The following DENND1B variants were observed in gnomAD, a reference collection of about 807,000 sequenced individuals.
DENND1B encodes DENN domain-containing protein 1B.
A neutral mutation model predicts 90.1 loss-of-function variants in DENND1B; 59 were observed. The observed-to-expected ratio is 0.65, with a 90% CI of 0.53 to 0.81. DENND1B has a LOEUF of 0.81. DENND1B is among the 40% of genes least tolerant of loss of function. The pLI is 0.00. For missense variants in DENND1B, 862 were observed against 912.6 expected (o/e 0.94, Z 0.71); for synonymous variants, 337 against 324.6 (o/e 1.04, Z -0.41).
chr1:197,544,958 A>G (rs1184626414), intron 18 of DENND1B, among the ~76,000 whole-genome samples: 64 of 582 alleles, frequency 0.11, no homozygotes, highest in East Asian at 0.14. Context: ...GAGAGAAGGG[A>G]GAAGGAGAAG....
At chr1:197,696,511 T>C (rs1368088495) in intron 3 of DENND1B, among the ~76,000 whole-genome samples, 1 of 151,488 alleles carries the variant, frequency 6.6e-6, no homozygotes, top group Non-Finnish European at 1.5e-5. Context: ...GGTACTATCA[T>C]GAACAGTCAA....
At chr1:197,593,747 T>C (rs2125804072) in intron 14 of DENND1B, among the ~76,000 whole-genome samples, 1 of 152,154 alleles carries the variant, frequency 6.6e-6, no homozygotes, top group East Asian at 1.9e-4. Context: ...CTCAAAAAAT[T>C]TTAAAATAAA....
chr1:197,667,195 C>A (rs1655029393), intron 5 of DENND1B, among the ~76,000 whole-genome samples: 2 of 150,630 alleles, frequency 1.3e-5, no homozygotes, highest in Admixed American at 1.3e-4. Context: ...AATTAAGTAA[C>A]CACTGTTGAA....
intron 10 of DENND1B, among the ~76,000 whole-genome samples, chr1:197,624,409 T>C (rs1678460464): frequency 6.6e-6 from 1 of 151,740 alleles, no homozygotes; most frequent in African/African-American, 2.4e-5. Context: ...ACACTTTTCA[T>C]GAAAATTTAC....
chr1:197,535,737 T>G (rs1214713962), intron 20 of DENND1B, among the ~76,000 whole-genome samples: 1 of 152,190 alleles, frequency 6.6e-6, no homozygotes, highest in East Asian at 1.9e-4. Context: ...GCCCTTCCTG[T>G]GTCCTTGGTA....
Position 197,775,394 on chromosome 1 carries a change from C to T in DENND1B, c.-239G>A, listed in dbSNP as rs996674884. On this transcript the variant is annotated 5_prime_UTR_variant, in exon 1 of 23. Transcript: ENST00000620048. ...AGCAGCGGTGGCGTGGCCGCCGCCC[C>T]CGTCTCCGCCGGTAGCCGCCACCAA... is the stretch of plus-strand genomic sequence containing the variant. 3 of 331,200 alleles carry T rather than the reference C, an allele frequency of 9.1e-6. No homozygotes were observed. The South Asian group carries it at 4.6e-4, about 51-fold the overall frequency. The allele number at this position is 331,200 out of a possible 1,614,324, so 20.5% of individuals were successfully genotyped here.
At chr1:197,636,914 G>A (rs1226600606) in intron 10 of DENND1B, among the ~76,000 whole-genome samples, 1 of 151,938 alleles carries the variant, frequency 6.6e-6, no homozygotes, top group African/African-American at 2.4e-5. Context: ...AGACTATGGG[G>A]AAAAGATGGC....
At chr1:197,722,861 A>G (rs1661310216) in intron 2 of DENND1B, among the ~76,000 whole-genome samples, 2 of 152,196 alleles carry the variant, frequency 1.3e-5, no homozygotes, top group Admixed American at 6.5e-5. Flanking sequence ...CCATTTGTTC[A>G]CCATTCTAAA....
intron 7 of DENND1B, among the ~76,000 whole-genome samples, chr1:197,651,974 A>G (rs1199623336): frequency 2.6e-5 from 4 of 152,082 alleles, no homozygotes; most frequent in Non-Finnish European, 5.9e-5. Context: ...TGTTTCTTAA[A>G]AATGAAATAT....
At chr1:197,654,609 CA>C (rs34779798) in intron 6 of DENND1B, among the ~76,000 whole-genome samples, 5,219 of 122,636 alleles carry the variant, frequency 0.043, 283 homozygotes, top group African/African-American at 0.13. Context: ...GACTCCGTCT[CA>C]AAAAAAAAAA....
chr1:197,559,726 TAA>T (rs1491528428), intron 15 of DENND1B, among the ~76,000 whole-genome samples: 54 of 52,268 alleles, frequency 1.0e-3, no homozygotes, highest in African/African-American at 3.5e-3. Flanking sequence ...AAAAATTTAA[TAA>T]GTCTAATTTA....
At position 197,529,217 on chromosome 1, in the gene DENND1B, T is replaced by G. The variant is rs1210891897; in HGVS notation, c.1515+10747A>C. ...TAGTTAAGAGTGATATATATATATA[T>G]ATATATATATATATATATATATATA... On this transcript the variant is annotated intron_variant, in intron 20 of 22. Coordinates refer to ENST00000620048, the MANE Select transcript of DENND1B (RefSeq NM_001195215.2). Among the ~76,000 whole-genome samples the G allele has an allele frequency of 6.0e-4, 6 of 10,028 alleles. No homozygotes were observed. In the East Asian group the frequency reaches 0.017, roughly 29 times the overall value. The allele number at this position is 10,028 out of a possible 152,430, so 6.6% of individuals were successfully genotyped here.
At chr1:197,626,186 C>T (rs2125883749) in intron 10 of DENND1B, among the ~76,000 whole-genome samples, 1 of 152,228 alleles carries the variant, frequency 6.6e-6, no homozygotes, top group Admixed American at 6.5e-5. Context: ...TAGACATCTA[C>T]AGAACTCTCC....
rs1300834164 is a variant in DENND1B at position 197,512,938 on chromosome 1, G to A, written c.1531C>T (p.Pro511Ser). 4 of 1,609,298 alleles carry A rather than the reference G, an allele frequency of 2.5e-6. No homozygotes were observed. The highest frequency in any genetic ancestry group is 3.4e-5 in the Admixed American group (2 of 59,588). ...RKLAQARLKR[P>S]LKSLDGALYD... ...AGAGCACCATCAAGGCTCTTAAGAG[G>A]CCTTTTTAAGCGTGCCTGGAGAGAG... The change falls in exon 21 of 23, where the codon CCT (proline) becomes TCT (serine). Residue 511 changes from proline to serine, a missense_variant. Physicochemically the swap from Pro to Ser is moderately conservative, Grantham distance 74. Coordinates refer to ENST00000620048, the MANE Select transcript of DENND1B (RefSeq NM_001195215.2).
intron 3 of DENND1B, among the ~76,000 whole-genome samples, chr1:197,706,238 C>A (rs1375094982): frequency 6.6e-6 from 1 of 152,118 alleles, no homozygotes; most frequent in Non-Finnish European, 1.5e-5. Context: ...AAGAAAGGAA[C>A]CTGCTCATCA....
intron 2 of DENND1B, among the ~76,000 whole-genome samples, chr1:197,745,746 T>A (rs1421340226): frequency 6.6e-6 from 1 of 151,266 alleles, no homozygotes; most frequent in East Asian, 1.9e-4. Context: ...CTAAGAACCA[T>A]CCCATAATTT....
At position 197,552,264 on chromosome 1, in the gene DENND1B, A is replaced by G. The variant is rs116565738; in HGVS notation, c.1240+758T>C. ...TTAACACACTAAGATACAGAATACA[A>G]GGATTTTTGTTTATTTAGTACACTT... On this transcript the variant is annotated intron_variant, in intron 16 of 22. Transcript: ENST00000620048. 1.3e-3 allele frequency: 1,237 copies of G among 983,160 alleles called. 15 individuals are homozygous for G. In the African/African-American group the frequency reaches 0.02, roughly 16 times the overall value. 60.9% of individuals were successfully genotyped at this position (983,160 alleles called of 1,614,324 possible).
chr1:197,601,194 T>C (rs1406695705), intron 13 of DENND1B, among the ~76,000 whole-genome samples: 6 of 151,766 alleles, frequency 4.0e-5, no homozygotes, highest in Non-Finnish European at 8.8e-5. Flanking sequence ...ATATACCCAG[T>C]TCTTAGCACA....
chr1:197,634,168 T>G lies in DENND1B; in HGVS notation c.672+8543A>C, dbSNP rs771016220. Among the ~76,000 whole-genome samples the G allele has an allele frequency of 2.0e-5, 3 of 152,214 alleles. No individual in the cohort carries two copies. In the South Asian group the frequency reaches 6.2e-4, roughly 32 times the overall value. Reference sequence around the variant, plus strand: ...GGGTGCTCCGTCTCAGCCCTAAGACTAGTAGCTGCTTTATATTTGTTATTT... The same window carrying G: ...GGGTGCTCCGTCTCAGCCCTAAGACGAGTAGCTGCTTTATATTTGTTATTT... On this transcript the variant is annotated intron_variant, in intron 10 of 22. Coordinates refer to ENST00000620048, the MANE Select transcript of DENND1B (RefSeq NM_001195215.2).
Sources: gnomAD v4.1 joint callset for allele counts (sites outside exome capture counted in the v4.1 genomes callset) on GRCh38, gnomAD v4.1.1 for gene constraint, MANE v1.5 for transcripts, NCBI Gene and HGNC (gene_info 2026-07-23, HGNC 2026-07-21) for gene names.